SLC2A12: variants seen among roughly 807,000 people sequenced by gnomAD.
SLC2A12 encodes the protein solute carrier family 2 member 12, also known as solute carrier family 2, facilitated glucose transporter member 12.
SLC2A12 carries 23 observed loss-of-function variants against 41.8 expected under a neutral mutation model. The ratio of observed to expected loss-of-function variants is 0.55; its 90% CI spans 0.40 to 0.78. SLC2A12 has a LOEUF of 0.78. SLC2A12 is among the 30% of genes least tolerant of loss of function. SLC2A12 has a pLI of 0.00. For missense variants in SLC2A12, 654 were observed against 745.6 expected (o/e 0.88, Z 1.43); for synonymous variants, 295 against 285.9 (o/e 1.03, Z -0.32).
chr6:134,043,709 T>G (rs773496152), intron 1 of SLC2A12, among the ~76,000 whole-genome samples: 10 of 150,728 alleles, frequency 6.6e-5, no homozygotes, highest in Admixed American at 1.3e-4. Context: ...GAAGAATCGC[T>G]TGAACCCGGG....
chr6:134,013,156 T>C (rs763548744), intron 2 of SLC2A12, among the ~76,000 whole-genome samples: 1 of 152,154 alleles, frequency 6.6e-6, no homozygotes, highest in Non-Finnish European at 1.5e-5. Context: ...CCGGGCATGG[T>C]GGCTCATGCC....
intron 4 of SLC2A12, among the ~76,000 whole-genome samples, chr6:133,992,838 T>C (rs1776641168): frequency 6.6e-6 from 1 of 152,166 alleles, no homozygotes; most frequent in South Asian, 2.1e-4. Context: ...AGTGGAATGC[T>C]TGTGAATGAA....
chr6:134,017,717 G>A (rs772761020), intron 2 of SLC2A12, among the ~76,000 whole-genome samples: 2 of 152,076 alleles, frequency 1.3e-5, no homozygotes, highest in Admixed American at 1.3e-4. Context: ...AGCCAGGCGT[G>A]GTGGCGGGCG....
At chr6:134,038,194 T>C (rs1414112687) in intron 1 of SLC2A12, among the ~76,000 whole-genome samples, 3 of 152,140 alleles carry the variant, frequency 2.0e-5, no homozygotes, top group Admixed American at 1.3e-4. Flanking sequence ...TTCACAGACA[T>C]CCTTTCCTGA....
chr6:134,001,965 A>T, intron 4 of SLC2A12, 32 bp downstream of exon 4: 2 of 1,595,600 alleles, frequency 1.3e-6, no homozygotes, highest in South Asian at 2.3e-5. Context: ...ACCAAAGAGT[A>T]TTGTTCAGAA....
chr6:134,015,360 G>A (rs369829785), intron 2 of SLC2A12, among the ~76,000 whole-genome samples: 32 of 152,278 alleles, frequency 2.1e-4, no homozygotes, highest in Middle Eastern at 3.4e-3. Flanking sequence ...GCAAATGGAT[G>A]CTGGGCTTAA....
Position 134,002,060 on chromosome 6 carries a change from A to G in SLC2A12, c.1637T>C (p.Val546Ala). The G allele has an allele frequency of 1.9e-6, 3 of 1,604,122 alleles. No individual in the cohort carries two copies. Among genetic ancestry groups the G allele is most frequent in the Non-Finnish European group, 2.5e-6 (3 of 1,177,250 alleles). The stretch of plus-strand genomic sequence containing the variant: ...TCCCTTTGTCTCAGGTATAAACATA[A>G]CAACAAAAAGCAGGGATGCTAGACT... ...IMSLASLLFV[V>A]MFIPETKGCS... The change falls in exon 4 of 5, where the codon GTT (valine) becomes GCT (alanine). Residue 546 changes from valine (V) to alanine (A), a missense_variant. Coordinates refer to ENST00000275230, the MANE Select transcript of SLC2A12 (RefSeq NM_145176.3).
intron 1 of SLC2A12, among the ~76,000 whole-genome samples, chr6:134,033,625 G>T (rs1399928177): frequency 6.6e-6 from 1 of 152,110 alleles, no homozygotes; most frequent in Non-Finnish European, 1.5e-5. Flanking sequence ...AAGGGCATGT[G>T]GTGTGACAGA....
chr6:134,015,839 T>C (rs9389125), intron 2 of SLC2A12, among the ~76,000 whole-genome samples: 26,914 of 152,064 alleles, frequency 0.18, 2,502 homozygotes, highest in East Asian at 0.31. Flanking sequence ...ATGAACAAAA[T>C]TTTTAAGAGC....
chr6:134,050,704 T>C (rs1200093844), intron 1 of SLC2A12, among the ~76,000 whole-genome samples: 1 of 152,202 alleles, frequency 6.6e-6, no homozygotes. Context: ...TTTGTTAACA[T>C]CACCACCTCA....
chr6:134,050,692 C>T (rs901431517), intron 1 of SLC2A12, among the ~76,000 whole-genome samples: 3 of 152,194 alleles, frequency 2.0e-5, no homozygotes, highest in Admixed American at 6.5e-5. Flanking sequence ...TTAGTGAGCC[C>T]TTTTGTTAAC....
At chr6:134,032,460 A>ATC (rs1777229796) in intron 1 of SLC2A12, among the ~76,000 whole-genome samples, 1 of 36,000 alleles carries the variant, frequency 2.8e-5, no homozygotes, top group Admixed American at 2.8e-4. Flanking sequence ...ATATATATAT[A>ATC]TATATTTTTA....
At chr6:133,998,084 A>G (rs558210821) in intron 4 of SLC2A12, among the ~76,000 whole-genome samples, 3 of 152,318 alleles carry the variant, frequency 2.0e-5, no homozygotes, top group Non-Finnish European at 4.4e-5. Flanking sequence ...TTTAAGTTTG[A>G]GTAACTGCAT....
intron 1 of SLC2A12, among the ~76,000 whole-genome samples, chr6:134,045,275 A>G (rs998139222): frequency 6.6e-6 from 1 of 152,250 alleles, no homozygotes; most frequent in East Asian, 1.9e-4. Flanking sequence ...CTGGAATCCA[A>G]ATTCACAGAT....
At position 134,028,580 on chromosome 6, in the gene SLC2A12, G is replaced by A. The variant is rs754723380; in HGVS notation, c.1245C>T (p.Ser415=). ...TTCTCAGGGGCATGAGTGAGCTTCT[G>A]CTATGGGAAGAAATCCCTTTGAAGT... The part of the protein sequence containing the change: ...RDHFKGISSH[S]RSSLMPLRND... The change falls in exon 2 of 5, where the codon AGC becomes AGT. Residue 415 remains serine (S), a synonymous_variant. Transcript: ENST00000275230. The A allele has an allele frequency of 1.9e-6, 3 of 1,614,192 alleles. No individual in the cohort carries two copies. Among genetic ancestry groups the A allele is most frequent in the Admixed American group, 3.3e-5 (2 of 60,024 alleles).
At chr6:134,019,146 G>T (rs1777007485) in intron 2 of SLC2A12, among the ~76,000 whole-genome samples, 1 of 152,116 alleles carries the variant, frequency 6.6e-6, no homozygotes, top group Non-Finnish European at 1.5e-5. Flanking sequence ...GATGAAAGAA[G>T]AGGTTAATTA....
At chr6:134,040,028 A>T (rs1398469895) in intron 1 of SLC2A12, among the ~76,000 whole-genome samples, 1 of 151,830 alleles carries the variant, frequency 6.6e-6, no homozygotes, top group Non-Finnish European at 1.5e-5. Context: ...TTTTAAAAAT[A>T]AATTATCCAA....
At chr6:133,992,411 A>G (rs1776636221) in intron 4 of SLC2A12, among the ~76,000 whole-genome samples, 1 of 152,144 alleles carries the variant, frequency 6.6e-6, no homozygotes, top group Non-Finnish European at 1.5e-5. Context: ...TGGGAAAAGT[A>G]TTGGTGTGAA....
In SLC2A12 at chr6:134,052,469, A is replaced by G. The variant is rs1773705235; in HGVS notation, c.12T>C (p.Val4=). The G allele has an allele frequency of 1.9e-6, 3 of 1,613,022 alleles. No homozygotes were observed. The African/African-American group carries it at 4.0e-5, about 22-fold the overall frequency. Residue 4 remains valine (V), a synonymous_variant, in exon 1 of 5, where the codon GTT becomes GTC. Coordinates refer to ENST00000275230, the MANE Select transcript of SLC2A12 (RefSeq NM_145176.3). ...GCAGACTGGGGCCCTCGGTGTTTTC[A>G]ACAGGTACCATGGTCACGTAGAAGT... MVP[V]ENTEGPSLLN...
Sources: gnomAD v4.1 joint callset for allele counts (sites outside exome capture counted in the v4.1 genomes callset) on GRCh38, gnomAD v4.1.1 for gene constraint, MANE v1.5 for transcripts, NCBI Gene and HGNC (gene_info 2026-07-23, HGNC 2026-07-21) for gene names.